Variants in DRP2 observed in about 807,000 individuals in gnomAD.
DRP2 encodes dystrophin related protein 2.
DRP2 carries 29 observed loss-of-function variants against 78.2 expected under a neutral mutation model. The ratio of observed to expected loss-of-function variants is 0.37; its 90% CI spans 0.28 to 0.51. DRP2 has a LOEUF of 0.51. Among genes scored for constraint, DRP2 ranks in the 20% least tolerant of loss-of-function variants. The probability of loss-of-function intolerance (pLI) is 0.94; values close to 1 mark genes in which losing one functional copy is unlikely to be tolerated. For missense variants in DRP2, 686 were observed against 770.6 expected (o/e 0.89, Z 1.30); for synonymous variants, 290 against 281.9 (o/e 1.03, Z -0.29).
At chrX:101,259,935 G>A (rs1308617414) in intron 22 of DRP2, 114 bp from the exon 23 acceptor site, 1 of 996,474 alleles carries the variant, frequency 1.0e-6, no homozygotes, top group Non-Finnish European at 1.4e-6. Flanking sequence ...GCTTCTTAAA[G>A]TCTAAGGGTA....
At chrX:101,257,840 C>T (rs981978336) in intron 21 of DRP2, among the ~76,000 whole-genome samples, 1 of 111,165 alleles carries the variant, frequency 9.0e-6, no homozygotes, top group African/African-American at 3.3e-5. Flanking sequence ...GATGACCCAG[C>T]ATGGGTGTTC....
rs760397953 is a variant in DRP2, at chrX:101,241,830, A to T, written c.722A>T (p.Glu241Val). 2.5e-6 allele frequency: 3 copies of T among 1,206,290 alleles called. No individual in the cohort carries two copies. The highest frequency in any genetic ancestry group is 3.4e-6 in the Non-Finnish European group (3 of 892,660). Residue 241 changes from glutamate (E) to valine (V), a missense_variant, in exon 7 of 24, where the codon GAG becomes GTG. By Grantham distance (121) the Glu-to-Val change is moderately radical. Around this residue, in one of 2 missense-constraint regions of DRP2, gnomAD observed 263 missense variants for 239.1 expected, o/e 1.10. Coordinates refer to ENST00000395209, the MANE Select transcript of DRP2 (RefSeq NM_001939.3). ...EQLLEIQGAM[E>V]ELSTTLSQAE... ...CTCTTGGAGATTCAAGGGGCAATGG[A>T]GGAACTAAGCACTACTCTGAGCCAA... is the stretch of plus-strand genomic sequence containing the variant.
intron 17 of DRP2, among the ~76,000 whole-genome samples, chrX:101,254,178 T>TTG (rs1355863664): frequency 9.1e-6 from 1 of 110,284 alleles, no homozygotes; most frequent in African/African-American, 3.3e-5. Flanking sequence ...AATTAAATTT[T>TTG]TAAGTATAAA....
chrX:101,259,431 C>A (rs1430508336), intron 22 of DRP2, among the ~76,000 whole-genome samples: 1 of 111,165 alleles, frequency 9.0e-6, no homozygotes, highest in African/African-American at 3.3e-5. Context: ...TTCTAAATAG[C>A]TTAATTATAG....
intron 2 of DRP2, among the ~76,000 whole-genome samples, chrX:101,225,603 A>G (rs936651552): frequency 9.0e-6 from 1 of 111,459 alleles, no homozygotes; most frequent in Non-Finnish European, 1.9e-5. Context: ...TAAAACACAG[A>G]ATACAGTTAT....
At position 101,261,900 on chromosome X, in the gene DRP2, T is replaced by G. The variant is rs1243666422; in HGVS notation, c.*1279T>G. ...GGTGGGGGAGTGGGCTTGGGAATGTTGAATAGATTCAGAGCCCACTTAGGC... is the reference window on the plus strand; with the variant it reads ...GGTGGGGGAGTGGGCTTGGGAATGTGGAATAGATTCAGAGCCCACTTAGGC... On this transcript the variant is annotated 3_prime_UTR_variant, in exon 24 of 24. Coordinates refer to ENST00000395209, the MANE Select transcript of DRP2 (RefSeq NM_001939.3). The G allele has an allele frequency of 8.9e-6, 1 of 112,082 alleles. No homozygotes were observed. The highest frequency in any genetic ancestry group is 1.9e-5 in the Non-Finnish European group (1 of 53,224). 9.2% of individuals were successfully genotyped at this position (112,082 alleles called of 1,213,427 possible).
Position 101,247,135 on chromosome X carries a change from A to T in DRP2, c.1223A>T (p.Lys408Ile). The change falls in exon 12 of 24, where the codon AAA becomes ATA. Residue 408 changes from lysine (K) to isoleucine (I), a missense_variant. By Grantham distance (102) the Lys-to-Ile change is moderately radical (BLOSUM62 -3). Transcript: ENST00000395209. The part of the protein sequence containing the change: ...IKFSAYRTAM[K>I]LRRVQKALRL... ...TTCTCAGCTTATCGCACTGCCATGA[A>T]ACTCCGCAGAGTCCAGAAAGCCCTG... is the stretch of plus-strand genomic sequence containing the variant. 1 of 1,210,345 alleles carries T rather than the reference A, an allele frequency of 8.3e-7. No individual in the cohort carries two copies. The highest frequency in any genetic ancestry group is 1.1e-6 in the Non-Finnish European group (1 of 894,958).
chrX:101,250,416 C>T lies in DRP2; in HGVS notation c.1541-7C>T, dbSNP rs1461835490. 2.5e-6 allele frequency: 3 copies of T among 1,211,531 alleles called. No individual in the cohort carries two copies. In the South Asian group the frequency reaches 5.3e-5, roughly 21 times the overall value. Reference sequence around the variant, plus strand: ...GGGTTGGCCATTCTTGACGGTGGGGCCAGCAGACCTCTTCAGCCAAGTGGC... The same window carrying T: ...GGGTTGGCCATTCTTGACGGTGGGGTCAGCAGACCTCTTCAGCCAAGTGGC... On this transcript the variant is annotated splice_polypyrimidine_tract_variant and splice_region_variant and intron_variant, in intron 14 of 23. Coordinates refer to ENST00000395209, the MANE Select transcript of DRP2 (RefSeq NM_001939.3).
intron 1 of DRP2, among the ~76,000 whole-genome samples, chrX:101,220,478 A>G (rs752344968): frequency 1.4e-3 from 156 of 110,776 alleles, no homozygotes; most frequent in African/African-American, 5.0e-3. Context: ...CTAAAAATGA[A>G]TAAGAAGGAG....
At position 101,263,358 on chromosome X, in the gene DRP2, A is replaced by G. The variant is rs1293652417; in HGVS notation, c.*2737A>G. 8.9e-6 allele frequency: 1 copy of G among 112,340 alleles called. No individual in the cohort carries two copies. The highest frequency in any genetic ancestry group is 1.9e-5 in the Non-Finnish European group (1 of 53,268). The allele number at this position is 112,340 out of a possible 1,213,427, so 9.3% of individuals were successfully genotyped here. ...CCTACACTGGAAGGATGGTGAAGGG[A>G]GTTGCTAGATTGATAGCCTAAAGAA... On this transcript the variant is annotated 3_prime_UTR_variant, in exon 24 of 24. Coordinates refer to ENST00000395209, the MANE Select transcript of DRP2 (RefSeq NM_001939.3).
Position 101,237,525 on chromosome X carries a change from A to T in DRP2, c.282-94A>T, listed in dbSNP as rs1414326632. The T allele has an allele frequency of 5.4e-6, 5 of 927,458 alleles. No individual in the cohort carries two copies. In the South Asian group the frequency reaches 2.2e-4, roughly 41 times the overall value. The allele number at this position is 927,458 out of a possible 1,213,427, so 76.4% of individuals were successfully genotyped here. ...AAAGCTCCTCCTGAATTTGTTTTCT[A>T]TATTAAAGTTCCATATAACTTAGTT... On this transcript the variant is annotated intron_variant, in intron 4 of 23. Transcript: ENST00000395209.
rs777627411 is a variant in DRP2 at position 101,252,574 on chromosome X, C to T, written c.1866-31C>T. The T allele has an allele frequency of 1.7e-6, 2 of 1,169,177 alleles. 1 individual carries two copies. The highest frequency in any genetic ancestry group is 3.6e-5 in the South Asian group (2 of 55,587). ...GGAGGTCACTGTGGCACGTTGGACTCTCTTTCCTACTACATCTCCTCTCCC... is the reference window on the plus strand; with the variant it reads ...GGAGGTCACTGTGGCACGTTGGACTTTCTTTCCTACTACATCTCCTCTCCC... On this transcript the variant is annotated intron_variant, in intron 16 of 23. Transcript: ENST00000395209.
chrX:101,258,682 C>G, intron 22 of DRP2, 136 bp downstream of exon 22: 1 of 537,715 alleles, frequency 1.9e-6, no homozygotes, highest in Non-Finnish European at 3.0e-6. Flanking sequence ...CTGAAGAGAA[C>G]TGGGCCTGCG....
chrX:101,235,125 G>A (rs180763585), intron 3 of DRP2, among the ~76,000 whole-genome samples: 43 of 111,459 alleles, frequency 3.9e-4, no homozygotes, highest in African/African-American at 1.4e-3. Context: ...TACCCCCATA[G>A]GGCCTTACCA....
At position 101,237,717 on chromosome X, in the gene DRP2, C is replaced by A. The variant is rs1323125706; in HGVS notation, c.380C>A (p.Ala127Asp). 8.5e-7 allele frequency: 1 copy of A among 1,177,219 alleles called. No individual in the cohort carries two copies. Among genetic ancestry groups the A allele is most frequent in the Non-Finnish European group, 1.1e-6 (1 of 873,844 alleles). The change falls in exon 5 of 24, where the codon GCT becomes GAT. Residue 127 changes from alanine (A) to aspartate (D), a missense_variant. Transcript: ENST00000395209. ...AGCCAAAAGGATGAGGAGTTGTCAG[C>A]TCAGCTGCCCCTACAGGGGGATGTG... Reference protein sequence around the residue: ...WLSQKDEELSAQLPLQGDVAL... With the variant: ...WLSQKDEELSDQLPLQGDVAL...
intron 2 of DRP2, among the ~76,000 whole-genome samples, chrX:101,230,558 G>A (rs930228938): frequency 2.7e-5 from 3 of 110,206 alleles, no homozygotes; most frequent in African/African-American, 9.9e-5. Context: ...AAAATAAAAT[G>A]CAAATCTCAT....
chrX:101,241,046 C>T (rs1207633760), intron 6 of DRP2, among the ~76,000 whole-genome samples: 2 of 112,363 alleles, frequency 1.8e-5, no homozygotes, highest in African/African-American at 6.5e-5. Context: ...TGCAAAATCA[C>T]ATTCCAGGGT....
rs11443859 is a variant in DRP2, at chrX:101,241,465, G to GT, written c.560-194dup. On this transcript the variant is annotated intron_variant, in intron 6 of 23. Coordinates refer to ENST00000395209, the MANE Select transcript of DRP2 (RefSeq NM_001939.3). ...CTCTACAATGATTTAAAAATAAACA[G>GT]TTTTTTTTTAAAAAAAACGTGACTG... 0.078 allele frequency among the ~76,000 whole-genome samples: 8,443 copies of GT among 108,766 alleles called. 607 individuals carry two copies. The highest frequency in any genetic ancestry group is 0.22 in the African/African-American group (6,617 of 29,541). The allele number at this position is 108,766 out of a possible 115,157, so 94.5% of individuals were successfully genotyped here. A position where few individuals can be genotyped will look rare whatever the true frequency, so the allele number is the denominator to read the frequency against.
intron 9 of DRP2, among the ~76,000 whole-genome samples, 177 bp from the exon 10 acceptor site, chrX:101,244,840 G>A (rs1204272988): frequency 8.9e-6 from 1 of 112,257 alleles, no homozygotes; most frequent in East Asian, 2.8e-4. Context: ...AGGGAGAGAA[G>A]CGTGTTCATT....
Sources: allele counts gnomAD v4.1 joint callset (sites outside exome capture counted in the v4.1 genomes callset), GRCh38; gene constraint gnomAD v4.1.1; regional missense constraint gnomAD v4.1.1; transcripts MANE v1.5; gene names NCBI Gene and HGNC (gene_info 2026-07-23, HGNC 2026-07-21).